DDX25: variants seen among roughly 807,000 people sequenced by gnomAD.
DDX25 encodes the protein ATP-dependent RNA helicase DDX25.
A neutral mutation model predicts 64.6 loss-of-function variants in DDX25; 70 were observed. The observed-to-expected ratio is 1.08, with a 90% CI of 0.89 to 1.32. The LOEUF is 1.32. Ranked by LOEUF, DDX25 falls within the 40% of genes most tolerant of loss-of-function variation. The pLI, the probability that DDX25 is intolerant of heterozygous loss-of-function variation, is 0.00. For synonymous variants in DDX25, 211 were observed against 213.3 expected (o/e 0.99, Z 0.09); for missense variants, 587 against 604.4 (o/e 0.97, Z 0.30).
chr11:125,913,374 A>C (rs1944991289), intron 8 of DDX25, among the ~76,000 whole-genome samples: 1 of 152,152 alleles, frequency 6.6e-6, no homozygotes, highest in African/African-American at 2.4e-5. Flanking sequence ...CCTGAAAAAC[A>C]ATATAAAAGA....
chr11:125,924,303 A>G lies in DDX25; in HGVS notation c.*1422A>G, dbSNP rs1945149464. ...GCTCCCCTCCCTCATTTAGCAACAG[A>G]TATTTATTGTATACCCTTTATGCCA... On this transcript the variant is annotated 3_prime_UTR_variant, in exon 12 of 12. Transcript: ENST00000263576. 1 of 152,174 alleles carries G rather than the reference A, an allele frequency of 6.6e-6. No individual in the cohort carries two copies. Among genetic ancestry groups the G allele is most frequent in the African/African-American group, 2.4e-5 (1 of 41,426 alleles). 9.4% of individuals were successfully genotyped at this position (152,174 alleles called of 1,614,324 possible).
At chr11:125,918,536 C>T in intron 9 of DDX25, 92 bp from the exon 10 acceptor site, 2 of 1,487,062 alleles carry the variant, frequency 1.3e-6, no homozygotes, top group Non-Finnish European at 1.8e-6. Context: ...AGCCCTCTCC[C>T]ACCCCCGCCC....
intron 8 of DDX25, among the ~76,000 whole-genome samples, chr11:125,915,334 A>G (rs1258867924): frequency 6.6e-6 from 1 of 152,218 alleles, no homozygotes; most frequent in Non-Finnish European, 1.5e-5. Context: ...AAGAGATGAA[A>G]TTAATAAATA....
chr11:125,918,610 T>C lies in DDX25; in HGVS notation c.1039-18T>C. 3 of 1,587,904 alleles carry C rather than the reference T, an allele frequency of 1.9e-6. No homozygotes were observed. Among genetic ancestry groups the C allele is most frequent in the Non-Finnish European group, 2.6e-6 (3 of 1,165,062 alleles). ...CTTAATCTTGGGGTGCTGTGTTGGG[T>C]TTTGCCTTTTTACATAGACTCGTCG... On this transcript the variant is annotated intron_variant, in intron 9 of 11. Coordinates refer to ENST00000263576, the MANE Select transcript of DDX25 (RefSeq NM_013264.5).
At chr11:125,914,062 T>G (rs906444478) in intron 8 of DDX25, among the ~76,000 whole-genome samples, 4 of 152,318 alleles carry the variant, frequency 2.6e-5, no homozygotes, top group Middle Eastern at 3.4e-3. Context: ...TCTTCAGTTG[T>G]CTCTCTGAGA....
chr11:125,922,806 T>C lies in DDX25; in HGVS notation c.1391-14T>C. 6.2e-7 allele frequency: 1 copy of C among 1,602,090 alleles called. No homozygotes were observed. Among genetic ancestry groups the C allele is most frequent in the Middle Eastern group, 1.7e-4 (1 of 5,896 alleles). On this transcript the variant is annotated splice_polypyrimidine_tract_variant and intron_variant, in intron 11 of 11. Coordinates refer to ENST00000263576, the MANE Select transcript of DDX25 (RefSeq NM_013264.5). ...CTGACATGAGACTAGTTCTGTTCTC[T>C]TTTGTTCTTTTAGACAGCAGTATTA...
intron 7 of DDX25, 111 bp downstream of exon 7, chr11:125,910,589 C>G: frequency 1.1e-6 from 1 of 872,780 alleles, no homozygotes; most frequent in South Asian, 1.6e-5. Flanking sequence ...GGAAATAATA[C>G]CACTCATGTC....
At chr11:125,909,053 T>C (rs963163526) in intron 6 of DDX25, among the ~76,000 whole-genome samples, 5 of 152,214 alleles carry the variant, frequency 3.3e-5, no homozygotes, top group Non-Finnish European at 5.9e-5. Flanking sequence ...AGTGTCTTTC[T>C]TGAGGTCCCC....
intron 4 of DDX25, among the ~76,000 whole-genome samples, chr11:125,907,376 A>C (rs184056076): frequency 6.6e-6 from 1 of 152,108 alleles, no homozygotes; most frequent in Non-Finnish European, 1.5e-5. Flanking sequence ...TGGGAGGCCA[A>C]GGGGGGCGGA....
At chr11:125,907,376 A>AG (rs1187273767) in intron 4 of DDX25, among the ~76,000 whole-genome samples, 5 of 152,226 alleles carry the variant, frequency 3.3e-5, no homozygotes, top group South Asian at 2.1e-4. Flanking sequence ...TGGGAGGCCA[A>AG]GGGGGGCGGA....
intron 8 of DDX25, among the ~76,000 whole-genome samples, chr11:125,912,432 AC>A (rs1944978893): frequency 1.3e-5 from 2 of 152,226 alleles, no homozygotes; most frequent in Admixed American, 1.3e-4. Context: ...CTCCGTATCC[AC>A]AAGGGATTGG....
At position 125,921,618 on chromosome 11, in the gene DDX25, T is replaced by C. The variant is rs537984867; in HGVS notation, c.1390+239T>C. On this transcript the variant is annotated intron_variant, in intron 11 of 11. Transcript: ENST00000263576. This position sits in a 1 kb window ranked among gnomAD's most constrained non-coding sequence, Gnocchi z 4.1. Reference sequence around the variant, plus strand: ...AATTAATATGAGCTCAGGCCGGGTGTGGCAGCTCACACCTGTAATCCCAGC... The same window carrying C: ...AATTAATATGAGCTCAGGCCGGGTGCGGCAGCTCACACCTGTAATCCCAGC... The C allele has an allele frequency of 6.3e-5, 30 of 475,928 alleles. No homozygotes were observed. The highest frequency in any genetic ancestry group is 5.8e-4 in the African/African-American group (30 of 51,952). 29.5% of individuals were successfully genotyped at this position (475,928 alleles called of 1,614,324 possible).
At chr11:125,911,980 CG>C (rs1244694010) in intron 8 of DDX25, among the ~76,000 whole-genome samples, 2 of 152,208 alleles carry the variant, frequency 1.3e-5, no homozygotes, top group African/African-American at 4.8e-5. Context: ...TACAGATTAC[CG>C]GACGCAGCCT....
chr11:125,914,132 C>T (rs550387490), intron 8 of DDX25, among the ~76,000 whole-genome samples: 1 of 152,266 alleles, frequency 6.6e-6, no homozygotes, highest in South Asian at 2.1e-4. Flanking sequence ...ATCCAAGTTT[C>T]CTTTTTGTTT....
chr11:125,915,089 G>C (rs1180550717), intron 8 of DDX25, among the ~76,000 whole-genome samples: 2 of 152,278 alleles, frequency 1.3e-5, no homozygotes, highest in African/African-American at 4.8e-5. Flanking sequence ...GATTACAGGT[G>C]TGAGCCACCA....
rs1945132643 is a variant in DDX25, at chr11:125,922,912, T to G, written c.*31T>G. ...GAACTTTATTGTTTGTGCAGTATCC[T>G]AGTTTATGTGAGAATGTCTCAGTGG... On this transcript the variant is annotated 3_prime_UTR_variant, in exon 12 of 12. Transcript: ENST00000263576. The G allele has an allele frequency of 1.3e-6, 2 of 1,576,736 alleles. No homozygotes were observed. The highest frequency in any genetic ancestry group is 1.7e-6 in the Non-Finnish European group (2 of 1,158,240).
intron 1 of DDX25, 153 bp downstream of exon 1, chr11:125,904,733 C>T: frequency 1.1e-6 from 1 of 950,380 alleles, no homozygotes; most frequent in Non-Finnish European, 1.6e-6. Context: ...GGAAGAGGGC[C>T]ACAGAGGGAG....
In DDX25 at chr11:125,924,157, C is replaced by T. The variant is rs776222731; in HGVS notation, c.*1276C>T. The T allele has an allele frequency of 3.9e-5, 6 of 152,212 alleles. No individual in the cohort carries two copies. Among genetic ancestry groups the T allele is most frequent in the Non-Finnish European group, 8.8e-5 (6 of 68,114 alleles). The allele number at this position is 152,212 out of a possible 1,614,324, so 9.4% of individuals were successfully genotyped here. A position where few individuals can be genotyped will look rare whatever the true frequency, so the allele number is the denominator to read the frequency against. On this transcript the variant is annotated 3_prime_UTR_variant, in exon 12 of 12. Transcript: ENST00000263576. ...GTACGCGTGCCTGTAATCCCAGCTA[C>T]TCAGGAGGCTGAGGCAGGAGAATCA... is the stretch of plus-strand genomic sequence containing the variant.
intron 1 of DDX25, 49 bp from the exon 2 acceptor site, chr11:125,905,163 C>T: frequency 6.5e-7 from 1 of 1,530,236 alleles, no homozygotes; most frequent in Admixed American, 2.0e-5. Flanking sequence ...CACTGGGCTG[C>T]TTGAGGGCTT....
Sources: allele counts gnomAD v4.1 joint callset (sites outside exome capture counted in the v4.1 genomes callset), GRCh38; gene constraint gnomAD v4.1.1; non-coding constraint Gnocchi (gnomAD v3.1); transcripts MANE v1.5; gene names NCBI Gene and HGNC (gene_info 2026-07-23, HGNC 2026-07-21).